The following FANCA variants were observed in gnomAD, a reference collection of about 807,000 sequenced individuals.
FANCA encodes the protein Fanconi anemia group A protein.
Under a neutral mutation model 194.3 loss-of-function variants are expected in FANCA, and 236 were observed. The ratio of observed to expected loss-of-function variants is 1.21; its 90% CI spans 1.09 to 1.35. The LOEUF (loss-of-function observed/expected upper bound fraction) is 1.35. Ranked by LOEUF, FANCA falls within the 40% of genes most tolerant of loss-of-function variation. FANCA has a pLI of 0.00. For synonymous variants in FANCA, 1,014 were observed against 715.8 expected (o/e 1.42, Z -6.65); for missense variants, 2,628 against 1,813.9 (o/e 1.45, Z -8.15).
intron 26 of FANCA, 30 bp from the exon 27 acceptor site, chr16:89,767,267 T>G (rs1312043412): frequency 6.8e-7 from 1 of 1,471,478 alleles, no homozygotes; most frequent in Non-Finnish European, 9.5e-7. Context: ...CATATAAATG[T>G]AATCCATACA....
intron 38 of FANCA, 99 bp downstream of exon 38, chr16:89,740,705 T>C: frequency 1.1e-6 from 1 of 942,814 alleles, no homozygotes. Context: ...AAGGAGCTCC[T>C]GAGCTAGTCT....
chr16:89,767,209 G>C lies in FANCA; in HGVS notation c.2533C>G (p.Leu845Val). The C allele has an allele frequency of 1.2e-6, 2 of 1,613,484 alleles. No homozygotes were observed. Among genetic ancestry groups the C allele is most frequent in the South Asian group, 1.1e-5 (1 of 91,070 alleles). ...KFCTAAISYS[L>V]CKFSSQSRDT... ...CGTGACTGGGAAGAAAACTTGCAGA[G>C]AGAGTAAGAAATTGCTGCTGTACAA... Residue 845 changes from leucine (L) to valine (V), a missense_variant, in exon 27 of 43, where the codon CTC becomes GTC. Leu to Val is a conservative substitution (Grantham distance 32, BLOSUM62 1). Coordinates refer to ENST00000389301, the MANE Select transcript of FANCA (RefSeq NM_000135.4).
At chr16:89,788,316 C>A (rs1023698382) in intron 14 of FANCA, among the ~76,000 whole-genome samples, 1 of 151,980 alleles carries the variant, frequency 6.6e-6, no homozygotes. Context: ...CAAAAATTAG[C>A]CAGGTGTGGT....
chr16:89,740,535 C>G, intron 38 of FANCA: 2 of 514,738 alleles, frequency 3.9e-6, no homozygotes, highest in Non-Finnish European at 3.5e-6. Flanking sequence ...ACTCGGGAGG[C>G]TGATGCAGGA....
chr16:89,751,425 T>C (rs920554633), intron 31 of FANCA, among the ~76,000 whole-genome samples: 21 of 152,082 alleles, frequency 1.4e-4, no homozygotes, highest in African/African-American at 5.1e-4. Context: ...AGAGATATGA[T>C]CGCACCACTG....
At chr16:89,760,961 T>A (rs2038930951) in intron 29 of FANCA, among the ~76,000 whole-genome samples, 1 of 152,144 alleles carries the variant, frequency 6.6e-6, no homozygotes, top group Non-Finnish European at 1.5e-5. Context: ...GAAGTCTAAG[T>A]GGGTGCCTTA....
chr16:89,755,424 C>T (rs924881881), intron 30 of FANCA, among the ~76,000 whole-genome samples: 1 of 152,020 alleles, frequency 6.6e-6, no homozygotes, highest in Non-Finnish European at 1.5e-5. Flanking sequence ...AGGCTGGTCT[C>T]GAACTCCTGA....
intron 8 of FANCA, among the ~76,000 whole-genome samples, chr16:89,802,220 C>G (rs2040481048): frequency 6.6e-6 from 1 of 151,976 alleles, no homozygotes. Context: ...TCTCCTGCCT[C>G]CACGCCTGTA....
In FANCA at chr16:89,752,222, G is replaced by A; in HGVS notation, c.2982C>T (p.Ser994=). Residue 994 remains serine (S), a splice_region_variant and synonymous_variant, in exon 31 of 43, where the codon AGC becomes AGT. Transcript: ENST00000389301. The part of the protein sequence containing the change: ...LVNALMDFHQ[S]SRSYDHSENS... ...TTTCTGAGTGGTCATAACTCCTTGA[G>A]CTGAAATGAAAATACAATAAAATCC... is the stretch of plus-strand genomic sequence containing the variant. The A allele has an allele frequency of 6.2e-7, 1 of 1,612,738 alleles. No homozygotes were observed. Among genetic ancestry groups the A allele is most frequent in the South Asian group, 1.1e-5 (1 of 91,056 alleles).
chr16:89,776,270 C>T (rs1472445424), intron 20 of FANCA, among the ~76,000 whole-genome samples: 1 of 147,710 alleles, frequency 6.8e-6, no homozygotes, highest in East Asian at 2.1e-4. Context: ...CAGGTTCAAG[C>T]AATTCTCCTG....
chr16:89,740,323 C>T (rs926875525), intron 38 of FANCA: 5 of 572,362 alleles, frequency 8.7e-6, no homozygotes, highest in African/African-American at 7.5e-5. Context: ...TGCTGCACCA[C>T]GTCCTCAAAT....
intron 1 of FANCA, 91 bp downstream of exon 1, chr16:89,816,446 G>C (rs1482345381): frequency 1.3e-5 from 15 of 1,188,322 alleles, no homozygotes; most frequent in Non-Finnish European, 1.6e-5. Flanking sequence ...GATCCGACCG[G>C]CGGAGGCTCT....
At chr16:89,804,288 G>A (rs1415571659) in intron 7 of FANCA, among the ~76,000 whole-genome samples, 1 of 150,480 alleles carries the variant, frequency 6.6e-6, no homozygotes, top group African/African-American at 2.5e-5. Flanking sequence ...GGGTCTCCCA[G>A]CAGGTGTTCC....
chr16:89,763,289 C>G (rs1427914274), intron 28 of FANCA, among the ~76,000 whole-genome samples: 2 of 151,892 alleles, frequency 1.3e-5, no homozygotes, highest in African/African-American at 2.4e-5. Context: ...AATAATTTCA[C>G]AAAAGGCTTG....
At chr16:89,813,475 C>CA (rs966173680) in intron 3 of FANCA, among the ~76,000 whole-genome samples, 4 of 151,990 alleles carry the variant, frequency 2.6e-5, no homozygotes, top group African/African-American at 9.7e-5. Flanking sequence ...TCTTATTGCC[C>CA]AGGCTGGAGT....
chr16:89,770,398 C>A, intron 24 of FANCA, 139 bp from the exon 25 acceptor site: 2 of 1,026,774 alleles, frequency 1.9e-6, no homozygotes, highest in Non-Finnish European at 3.0e-6. Context: ...GACAACCCAT[C>A]TTCTGCAGTG....
At chr16:89,798,085 G>C (rs1490446224) in intron 10 of FANCA, among the ~76,000 whole-genome samples, 1 of 152,126 alleles carries the variant, frequency 6.6e-6, no homozygotes, top group Non-Finnish European at 1.5e-5. Flanking sequence ...AGCCTCTCAA[G>C]GTGGGGTGTT....
rs149551759 is a variant in FANCA at position 89,791,422 on chromosome 16, G to A, written c.1340C>T (p.Ser447Leu). The change falls in exon 14 of 43, where the codon TCA (serine) becomes TTA (leucine). Residue 447 changes from serine to leucine, a missense_variant. Ser to Leu is a moderately radical substitution (Grantham distance 145). Coordinates refer to ENST00000389301, the MANE Select transcript of FANCA (RefSeq NM_000135.4). ...ACTTACCTTGAACCAGTCTGCATAT[G>A]ACAGGAACGCAGAGGGGCCCTCCAG... ...AALEGPSAFL[S>L]YADWFKASFG... 509 of 1,613,946 alleles carry A rather than the reference G, an allele frequency of 3.2e-4. No homozygotes were observed. The highest frequency in any genetic ancestry group is 3.6e-4 in the Non-Finnish European group (422 of 1,179,988).
chr16:89,787,252 G>A (rs573417321), intron 14 of FANCA, among the ~76,000 whole-genome samples: 2 of 152,274 alleles, frequency 1.3e-5, no homozygotes, highest in Non-Finnish European at 2.9e-5. Flanking sequence ...GGCCGGGCGC[G>A]GTGGCTAGCG....
Sources: allele counts gnomAD v4.1 joint callset (sites outside exome capture counted in the v4.1 genomes callset), GRCh38; gene constraint gnomAD v4.1.1; transcripts MANE v1.5; gene names NCBI Gene and HGNC (gene_info 2026-07-23, HGNC 2026-07-21).